The following DGKK variants were observed in gnomAD, a reference collection of about 807,000 sequenced individuals.
DGKK encodes the protein diacylglycerol kinase kappa, also known as 142 kDa diacylglycerol kinase.
DGKK carries 35 observed loss-of-function variants against 92.2 expected under a neutral mutation model. The ratio of observed to expected loss-of-function variants is 0.38; its 90% CI spans 0.29 to 0.50. DGKK has a LOEUF of 0.50. Among genes scored for constraint, DGKK ranks in the 20% least tolerant of loss-of-function variants. The pLI is 0.92. For missense variants in DGKK, 910 were observed against 992.2 expected, an observed-to-expected ratio of 0.92 and a Z score of 1.11; for synonymous variants, 368 against 360.6, an observed-to-expected ratio of 1.02 and a Z score of -0.23.
At chrX:50,429,175 C>G (rs1278717151) in intron 1 of DGKK, among the ~76,000 whole-genome samples, 1 of 111,670 alleles carries the variant, frequency 9.0e-6, no homozygotes, top group East Asian at 2.8e-4. Flanking sequence ...TGCAGTATCA[C>G]GTCTGACTTC....
intron 1 of DGKK, among the ~76,000 whole-genome samples, chrX:50,451,011 G>A (rs368758800): frequency 2.2e-4 from 25 of 111,632 alleles, no homozygotes; most frequent in Middle Eastern, 4.2e-3. Context: ...GCAATCTCAA[G>A]TTACAAGGCC....
intron 26 of DGKK, among the ~76,000 whole-genome samples, chrX:50,371,142 C>T (rs868920390): frequency 8.9e-6 from 1 of 112,538 alleles, no homozygotes; most frequent in African/African-American, 3.2e-5. Context: ...TCTGTAATTC[C>T]AGCTTAGGCC....
At chrX:50,403,289 C>A in intron 6 of DGKK, 106 bp from the exon 7 acceptor site, 1 of 994,792 alleles carries the variant, frequency 1.0e-6, no homozygotes, top group Non-Finnish European at 1.4e-6. Flanking sequence ...AGGTAAATGA[C>A]CCAAATGACC....
At chrX:50,452,147 G>A (rs1476054705) in intron 1 of DGKK, among the ~76,000 whole-genome samples, 9 of 111,543 alleles carry the variant, frequency 8.1e-5, no homozygotes, top group Non-Finnish European at 1.9e-5. Context: ...GCAGAAAGGT[G>A]AGTGAGGGTC....
At chrX:50,399,040 A>C (rs1924927018) in intron 8 of DGKK, among the ~76,000 whole-genome samples, 1 of 112,425 alleles carries the variant, frequency 8.9e-6, no homozygotes, top group Non-Finnish European at 1.9e-5. Context: ...CTCCATATGG[A>C]TAACTATTTG....
intron 19 of DGKK, 108 bp from the exon 20 acceptor site, chrX:50,379,842 T>A: frequency 1.1e-6 from 1 of 889,166 alleles, no homozygotes; most frequent in Non-Finnish European, 1.6e-6. Flanking sequence ...TACATGGAAA[T>A]CTATCTTCAT....
chrX:50,449,689 G>A (rs183416145), intron 1 of DGKK, among the ~76,000 whole-genome samples: 64 of 110,840 alleles, frequency 5.8e-4, no homozygotes, highest in African/African-American at 2.0e-3. Flanking sequence ...CTAGTACCAC[G>A]ACCTTGCTCA....
intron 1 of DGKK, among the ~76,000 whole-genome samples, chrX:50,454,872 A>G (rs1926572933): frequency 1.8e-5 from 2 of 112,173 alleles, no homozygotes; most frequent in African/African-American, 3.2e-5. Flanking sequence ...ACTAATTACA[A>G]GAAAAGCCTC....
At chrX:50,449,146 C>A (rs782165292) in intron 1 of DGKK, among the ~76,000 whole-genome samples, 1 of 111,525 alleles carries the variant, frequency 9.0e-6, no homozygotes, top group East Asian at 2.9e-4. Context: ...TATGCTAAAC[C>A]ACATGGTGAC....
chrX:50,416,386 G>A, intron 4 of DGKK, among the ~76,000 whole-genome samples: 1 of 112,241 alleles, frequency 8.9e-6, no homozygotes, highest in Non-Finnish European at 1.9e-5. Flanking sequence ...TTAAATGAAA[G>A]CTTATTGACT....
intron 4 of DGKK, among the ~76,000 whole-genome samples, chrX:50,405,194 T>C (rs1370827667): frequency 8.9e-6 from 1 of 112,228 alleles, no homozygotes; most frequent in African/African-American, 3.2e-5. Flanking sequence ...TTGACATTTT[T>C]TGTTAATGTG....
rs781864734 is a variant in DGKK, at chrX:50,404,173, T to G, written c.954A>C (p.Ala318=). The stretch of plus-strand genomic sequence containing the variant: ...TTCCAACAAGAAAAGGGTTGTTTTC[T>G]GCTGCAGGTATCTAAAATAAATAAA... ...QQGEIYKIPA[A]ENNPFLVGMH... is the part of the protein sequence containing the mutation. Residue 318 remains alanine (A), a synonymous_variant, in exon 5 of 28, where the codon GCA becomes GCC. Coordinates refer to ENST00000611977, the MANE Select transcript of DGKK (RefSeq NM_001013742.4). The G allele has an allele frequency of 1.7e-6, 2 of 1,206,411 alleles. No homozygotes were observed. The highest frequency in any genetic ancestry group is 2.2e-6 in the Non-Finnish European group (2 of 892,833).
chrX:50,382,962 T>C (rs1207558538), intron 17 of DGKK, among the ~76,000 whole-genome samples: 9 of 111,980 alleles, frequency 8.0e-5, no homozygotes, highest in South Asian at 3.8e-4. Context: ...AAAGAACTTT[T>C]GAATATCCTA....
At chrX:50,465,174 T>C (rs1464198133) in intron 1 of DGKK, among the ~76,000 whole-genome samples, 1 of 111,867 alleles carries the variant, frequency 8.9e-6, no homozygotes, top group Non-Finnish European at 1.9e-5. Flanking sequence ...AGATGATTTC[T>C]CTTTTTTCAT....
intron 1 of DGKK, among the ~76,000 whole-genome samples, chrX:50,464,515 T>C (rs1004599423): frequency 6.3e-5 from 7 of 110,601 alleles, no homozygotes; most frequent in African/African-American, 2.3e-4. Flanking sequence ...TTTCATTAAC[T>C]TTTATGATTT....
chrX:50,469,907 T>C, intron 1 of DGKK, 127 bp downstream of exon 1: 1 of 1,058,852 alleles, frequency 9.4e-7, no homozygotes, highest in Non-Finnish European at 1.2e-6. Context: ...CCCTGCATCT[T>C]TCTCAGCATC....
At chrX:50,435,027 C>G (rs1925984403) in intron 1 of DGKK, among the ~76,000 whole-genome samples, 1 of 112,222 alleles carries the variant, frequency 8.9e-6, no homozygotes, top group Non-Finnish European at 1.9e-5. Context: ...TAAACTATTG[C>G]TCTTAGGCTA....
chrX:50,390,481 G>T, intron 11 of DGKK, 72 bp from the exon 12 acceptor site: 2 of 965,949 alleles, frequency 2.1e-6, no homozygotes, highest in Non-Finnish European at 2.9e-6. Context: ...CTTCAAAGGT[G>T]AAGACAGAAG....
intron 1 of DGKK, among the ~76,000 whole-genome samples, chrX:50,441,466 G>A (rs1926170343): frequency 8.9e-6 from 1 of 111,739 alleles, no homozygotes; most frequent in Non-Finnish European, 1.9e-5. Flanking sequence ...GAGAGAAGCA[G>A]TAGTTAAAGG....
Sources: allele counts gnomAD v4.1 joint callset (sites outside exome capture counted in the v4.1 genomes callset), GRCh38; gene constraint gnomAD v4.1.1; transcripts MANE v1.5; gene names NCBI Gene and HGNC (gene_info 2026-07-23, HGNC 2026-07-21).